The following PHF21A variants were observed in gnomAD, a reference collection of about 807,000 sequenced individuals.
The protein encoded by PHF21A is PHD finger protein 21A, also known as BHC80a.
A neutral mutation model predicts 82.5 loss-of-function variants in PHF21A; 11 were observed. The ratio of observed to expected loss-of-function variants is 0.13; its 90% CI spans 0.08 to 0.22. The LOEUF is 0.22. PHF21A is among the 10% of genes least tolerant of loss of function. PHF21A has a pLI of 1.00. For synonymous variants in PHF21A, 297 were observed against 302.8 expected (o/e 0.98, Z 0.20); for missense variants, 579 against 837.8 (o/e 0.69, Z 3.81).
chr11:46,065,171 A>C (rs1432557861), intron 6 of PHF21A, among the ~76,000 whole-genome samples: 1 of 152,188 alleles, frequency 6.6e-6, no homozygotes, highest in East Asian at 1.9e-4. Context: ...CCAAATGCTC[A>C]AGGAGAAAAT....
intron 6 of PHF21A, among the ~76,000 whole-genome samples, chr11:46,023,145 AAG>A (rs1491079235): frequency 1.3e-5 from 2 of 152,220 alleles, no homozygotes; most frequent in African/African-American, 2.4e-5. Context: ...ATTAGAAAAA[AAG>A]AGAGGAAAAG....
At chr11:46,034,283 T>C (rs907090146) in intron 6 of PHF21A, among the ~76,000 whole-genome samples, 1 of 148,352 alleles carries the variant, frequency 6.7e-6, no homozygotes, top group Non-Finnish European at 1.5e-5. Flanking sequence ...TCATAAGAAC[T>C]CTTTATATGT....
intron 6 of PHF21A, among the ~76,000 whole-genome samples, chr11:46,010,830 T>C (rs2095397763): frequency 6.6e-6 from 1 of 152,212 alleles, no homozygotes; most frequent in Non-Finnish European, 1.5e-5. Flanking sequence ...CTGAGGATAA[T>C]AATGATCAGT....
intron 6 of PHF21A, among the ~76,000 whole-genome samples, chr11:46,037,903 T>C (rs2096048781): frequency 6.6e-6 from 1 of 152,072 alleles, no homozygotes; most frequent in African/African-American, 2.4e-5. Flanking sequence ...AAATTCCTTT[T>C]AGGATCGCTT....
intron 10 of PHF21A, among the ~76,000 whole-genome samples, chr11:45,956,664 G>A (rs1396350239): frequency 6.6e-6 from 1 of 151,216 alleles, no homozygotes; most frequent in East Asian, 1.9e-4. Context: ...TAACCACTAA[G>A]AAAATAATTA....
intron 6 of PHF21A, chr11:46,049,400 G>A (rs762183820): frequency 4.2e-5 from 19 of 455,146 alleles, no homozygotes; most frequent in East Asian, 7.0e-5. Context: ...AAATACATAC[G>A]TTCAGTAGGT....
In PHF21A at chr11:46,099,523, G is replaced by GACACACACACACACACACACACAC. The variant is rs71038882; in HGVS notation, c.-236-7324_-236-7301dup. 6.8e-4 allele frequency among the ~76,000 whole-genome samples: 93 copies of GACACACACACACACACACACACAC among 137,670 alleles called. No individual in the cohort carries two copies. The Middle Eastern group carries it at 0.011, about 16-fold the overall frequency. 90.3% of individuals were successfully genotyped at this position (137,670 alleles called of 152,430 possible). A position where few individuals can be genotyped will look rare whatever the true frequency, so the allele number is the denominator to read the frequency against. ...TGCCTTTCAGGCTATAGAAAAATTA[G>GACACACACACACACACACACACAC]ACACACACACACACACACACACACA... On this transcript the variant is annotated intron_variant, in intron 1 of 18. Transcript: ENST00000676320.
intron 6 of PHF21A, among the ~76,000 whole-genome samples, chr11:46,029,517 G>GT (rs1376677819): frequency 3.9e-5 from 6 of 152,054 alleles, no homozygotes; most frequent in Non-Finnish European, 1.5e-5. Flanking sequence ...GTGAAACCCT[G>GT]TCTCTACTAA....
intron 1 of PHF21A, among the ~76,000 whole-genome samples, chr11:46,120,700 C>T (rs1448025834): frequency 6.6e-6 from 1 of 151,768 alleles, no homozygotes; most frequent in Non-Finnish European, 1.5e-5. Context: ...GACGAGAACA[C>T]CCCCCTTTCC....
chr11:46,068,001 T>C (rs2096613994), intron 6 of PHF21A, among the ~76,000 whole-genome samples: 1 of 151,912 alleles, frequency 6.6e-6, no homozygotes. Context: ...TAGGAATTAA[T>C]CAGGTAAAAA....
chr11:46,118,396 C>T (rs1851983167), intron 1 of PHF21A, among the ~76,000 whole-genome samples: 1 of 142,640 alleles, frequency 7.0e-6, no homozygotes, highest in Non-Finnish European at 1.5e-5. Context: ...TATTATGTTA[C>T]CAAAAGCAAA....
intron 16 of PHF21A, 133 bp downstream of exon 16, chr11:45,938,024 A>C (rs1301875010): frequency 1.4e-6 from 1 of 723,060 alleles, no homozygotes; most frequent in Non-Finnish European, 2.2e-6. Context: ...GCTGTGTCAT[A>C]AACAGGGAAG....
intron 10 of PHF21A, among the ~76,000 whole-genome samples, chr11:45,958,705 C>T (rs943470128): frequency 6.6e-6 from 1 of 151,852 alleles, no homozygotes; most frequent in Non-Finnish European, 1.5e-5. Context: ...CACTTGAGTC[C>T]ACGAGTTCGA....
intron 2 of PHF21A, among the ~76,000 whole-genome samples, chr11:46,091,183 T>C (rs988502486): frequency 6.6e-6 from 1 of 152,104 alleles, no homozygotes; most frequent in African/African-American, 2.4e-5. Flanking sequence ...TGGCCAAATA[T>C]CTACTATATC....
intron 10 of PHF21A, among the ~76,000 whole-genome samples, chr11:45,964,210 A>AATAATAATAATC: frequency 6.8e-6 from 1 of 146,920 alleles, no homozygotes; most frequent in Middle Eastern, 3.6e-3. Flanking sequence ...AAATAATAAT[A>AATAATAATAATC]ATAATAATAA....
At chr11:46,071,733 CAA>C (rs10712240) in intron 6 of PHF21A, among the ~76,000 whole-genome samples, 34 of 147,874 alleles carry the variant, frequency 2.3e-4, no homozygotes, top group African/African-American at 5.7e-4. Context: ...TGATAATAGC[CAA>C]AAAAAAAAAC....
intron 9 of PHF21A, among the ~76,000 whole-genome samples, chr11:45,968,938 A>AG (rs1342008359): frequency 5.8e-5 from 4 of 68,668 alleles, no homozygotes; most frequent in Non-Finnish European, 1.0e-4. Context: ...TTGCAAAAAA[A>AG]AAAAAAAAAA....
intron 10 of PHF21A, among the ~76,000 whole-genome samples, chr11:45,955,008 AAAG>A (rs372697888): frequency 2.2e-4 from 34 of 152,326 alleles, no homozygotes; most frequent in African/African-American, 7.5e-4. Flanking sequence ...TTACATAAAG[AAAG>A]CGTAAGCATC....
intron 7 of PHF21A, among the ~76,000 whole-genome samples, chr11:45,973,578 G>A (rs1236291252): frequency 6.6e-6 from 1 of 152,170 alleles, no homozygotes; most frequent in African/African-American, 2.4e-5. Context: ...GGGTGCAGTG[G>A]ATCACCTATC....
Sources: gnomAD v4.1 joint callset for allele counts (sites outside exome capture counted in the v4.1 genomes callset) on GRCh38, gnomAD v4.1.1 for gene constraint, MANE v1.5 for transcripts, NCBI Gene and HGNC (gene_info 2026-07-23, HGNC 2026-07-21) for gene names.